The following NUP133 variants were observed in gnomAD, a reference collection of about 807,000 sequenced individuals.
NUP133 encodes the protein nucleoporin 133.
NUP133 carries 66 observed loss-of-function variants against 146.2 expected under a neutral mutation model. The ratio of observed to expected loss-of-function variants is 0.45; its 90% CI spans 0.37 to 0.55. NUP133 has a LOEUF of 0.55. Among genes scored for constraint, NUP133 ranks in the 20% least tolerant of loss-of-function variants. The pLI is 0.00. For synonymous variants in NUP133, 521 were observed against 498.8 expected (o/e 1.04, Z -0.59); for missense variants, 1,277 against 1,374.8 (o/e 0.93, Z 1.12).
chr1:229,491,240 C>T (rs950982744), intron 8 of NUP133, among the ~76,000 whole-genome samples: 29 of 152,184 alleles, frequency 1.9e-4, no homozygotes, highest in African/African-American at 6.8e-4. Context: ...TACATGGCCG[C>T]CAAAGCCTAA....
intron 14 of NUP133, among the ~76,000 whole-genome samples, chr1:229,474,606 T>C (rs1661032192): frequency 6.6e-6 from 1 of 152,138 alleles, no homozygotes; most frequent in Non-Finnish European, 1.5e-5. Flanking sequence ...TTTAAGTAAG[T>C]TAAAATTCAG....
intron 14 of NUP133, 30 bp downstream of exon 14, chr1:229,475,608 A>T (rs761207663): frequency 6.5e-7 from 1 of 1,532,430 alleles, no homozygotes; most frequent in South Asian, 1.1e-5. Flanking sequence ...CCAAAGGCAG[A>T]GCCCTGTGCC....
chr1:229,488,105 C>A (rs1447995980), intron 9 of NUP133, among the ~76,000 whole-genome samples: 1 of 152,128 alleles, frequency 6.6e-6, no homozygotes, highest in Admixed American at 6.5e-5. Flanking sequence ...CTCAGCCTCC[C>A]AAAGTGCTGG....
rs12057446 is a variant in NUP133, at chr1:229,446,864, C to T, written c.3246-1862G>A. ...GGATGTGGCCGGGCATGGTGGCTCA[C>T]GTCTGTAATCCTAGCACTTTGGGAG... On this transcript the variant is annotated intron_variant, in intron 24 of 25. Coordinates refer to ENST00000261396, the MANE Select transcript of NUP133 (RefSeq NM_018230.3). Among the ~76,000 whole-genome samples, 915 of 152,190 alleles carry T rather than the reference C, an allele frequency of 6.0e-3. 6 individuals are homozygous for T. The highest frequency in any genetic ancestry group is 0.02 in the African/African-American group (829 of 41,532).
intron 6 of NUP133, among the ~76,000 whole-genome samples, chr1:229,497,701 G>A (rs1661687309): frequency 6.6e-6 from 1 of 152,142 alleles, no homozygotes; most frequent in Non-Finnish European, 1.5e-5. Flanking sequence ...CGAGTAGATG[G>A]TCCATAAATA....
At chr1:229,487,643 C>T in intron 9 of NUP133, 30 bp from the exon 10 acceptor site, 4 of 1,531,344 alleles carry the variant, frequency 2.6e-6, no homozygotes, top group South Asian at 1.2e-5. Flanking sequence ...TTACATTTAA[C>T]AAGAAGTAAA....
At chr1:229,496,417 T>C (rs1222390299) in intron 6 of NUP133, among the ~76,000 whole-genome samples, 3 of 152,072 alleles carry the variant, frequency 2.0e-5, no homozygotes, top group African/African-American at 7.2e-5. Context: ...GAGGCTGCAG[T>C]GAGCCGAGAT....
intron 14 of NUP133, among the ~76,000 whole-genome samples, chr1:229,472,777 T>C (rs780958546): frequency 2.0e-5 from 3 of 149,856 alleles, no homozygotes; most frequent in Admixed American, 6.7e-5. Flanking sequence ...ACCTCCCTGC[T>C]TCTGTAAGGT....
At chr1:229,469,643 C>A (rs1054264537) in intron 15 of NUP133, among the ~76,000 whole-genome samples, 5 of 152,206 alleles carry the variant, frequency 3.3e-5, no homozygotes, top group Non-Finnish European at 7.3e-5. Flanking sequence ...ACAGGAGGCA[C>A]AGTCCCTGAC....
chr1:229,505,421 C>A (rs1261245206), intron 2 of NUP133, among the ~76,000 whole-genome samples: 2 of 151,934 alleles, frequency 1.3e-5, no homozygotes, highest in African/African-American at 2.4e-5. Context: ...AGGTTTCAGG[C>A]ATCCACTGGG....
chr1:229,493,773 C>A (rs1661584059), intron 8 of NUP133, among the ~76,000 whole-genome samples: 1 of 152,182 alleles, frequency 6.6e-6, no homozygotes, highest in South Asian at 2.1e-4. Context: ...GTGGACCCTG[C>A]ATAGCAATTC....
intron 19 of NUP133, among the ~76,000 whole-genome samples, chr1:229,461,471 C>T (rs780876442): frequency 2.0e-5 from 3 of 152,208 alleles, no homozygotes; most frequent in Non-Finnish European, 2.9e-5. Flanking sequence ...GAGCTGAGAC[C>T]GAGTCCTGGG....
rs1660385217 is a variant in NUP133 at position 229,449,197 on chromosome 1, A to G, written c.3181-7T>C. On this transcript the variant is annotated splice_region_variant and splice_polypyrimidine_tract_variant and intron_variant, in intron 23 of 25. Transcript: ENST00000261396. ...TTATATTTATATCTTCTTCCTTCAC[A>G]GCAAAACAAAAAAAATCCTGATTAA... The G allele has an allele frequency of 1.3e-6, 2 of 1,585,630 alleles. No individual in the cohort carries two copies. Among genetic ancestry groups the G allele is most frequent in the East Asian group, 2.2e-5 (1 of 44,738 alleles).
In NUP133 at chr1:229,508,112, T is replaced by C. The variant is rs778433431; in HGVS notation, c.138A>G (p.Pro46=). The C allele has an allele frequency of 6.4e-6, 10 of 1,564,002 alleles. No homozygotes were observed. The highest frequency in any genetic ancestry group is 2.3e-4 in the Middle Eastern group (1 of 4,366). The change falls in exon 1 of 26, where the codon CCA becomes CCG. Residue 46 remains proline (P), a synonymous_variant. Transcript: ENST00000261396. ...GCCGGCCGACCGGCGAGAAGAGCAC[T>C]GGGGAGCTGACTGCAGACCCCAGGG... is the stretch of plus-strand genomic sequence containing the variant. The part of the protein sequence containing the change: ...GLPLGSAVSS[P]VLFSPVGRRS...
rs756641144 is a variant in NUP133 at position 229,496,041 on chromosome 1, T to C, written c.826A>G (p.Ser276Gly). 8.3e-6 allele frequency: 13 copies of C among 1,568,746 alleles called. No individual in the cohort carries two copies. The highest frequency in any genetic ancestry group is 1.2e-5 in the South Asian group (1 of 83,384). ...LSPSSDLTLS[S>G]VLWDRERSSF... The stretch of plus-strand genomic sequence containing the variant: ...GATCTCTCTCTATCCCAGAGAACAC[T>C]TGAAAGCTATTCAGAAAAGAAAAGG... The change falls in exon 7 of 26, where the codon AGT (serine) becomes GGT (glycine). Residue 276 changes from serine to glycine, a missense_variant. Transcript: ENST00000261396.
chr1:229,460,526 C>A lies in NUP133; in HGVS notation c.2844+85G>T, dbSNP rs1431714804. 13 of 1,334,364 alleles carry A rather than the reference C, an allele frequency of 9.7e-6. No homozygotes were observed. The East Asian group carries it at 3.1e-4, about 32-fold the overall frequency. 82.7% of individuals were successfully genotyped at this position (1,334,364 alleles called of 1,614,324 possible). On this transcript the variant is annotated intron_variant, in intron 20 of 25. Transcript: ENST00000261396. ...CCCTTCTCAGGTATATGACAGTAAA[C>A]AGTATTTTAATTACTAAAAACAAAA...
intron 3 of NUP133, among the ~76,000 whole-genome samples, chr1:229,501,675 C>A (rs1661803558): frequency 1.3e-5 from 2 of 152,178 alleles, no homozygotes. Flanking sequence ...TACGCAAACT[C>A]AAAGTTCATT....
intron 8 of NUP133, among the ~76,000 whole-genome samples, chr1:229,495,117 A>G (rs2102781196): frequency 6.6e-6 from 1 of 152,336 alleles, no homozygotes; most frequent in East Asian, 1.9e-4. Flanking sequence ...GGCTGGGCAC[A>G]GTGGCTCACA....
chr1:229,450,034 T>C (rs1422333397), intron 23 of NUP133, among the ~76,000 whole-genome samples: 3 of 149,262 alleles, frequency 2.0e-5, no homozygotes, highest in African/African-American at 7.4e-5. Context: ...TGCGCCACCA[T>C]ACCCATCTAA....
Sources: allele counts gnomAD v4.1 joint callset (sites outside exome capture counted in the v4.1 genomes callset), GRCh38; gene constraint gnomAD v4.1.1; transcripts MANE v1.5; gene names NCBI Gene and HGNC (gene_info 2026-07-23, HGNC 2026-07-21).